Variants in AMMECR1 observed in about 807,000 individuals in gnomAD.
The protein encoded by AMMECR1 is AMMECR nuclear protein 1, also known as nuclear protein AMMECR1.
In AMMECR1, 3 loss-of-function variants were observed where a neutral mutation model predicts 22.5. That is an observed-to-expected ratio of 0.13 (90% CI 0.06 to 0.35). The LOEUF (loss-of-function observed/expected upper bound fraction) is 0.35, where lower values mean the gene tolerates loss of function less well. Ranked by LOEUF, AMMECR1 falls within the 10% of genes least tolerant of loss-of-function variation. The pLI is 1.00. For missense variants in AMMECR1, 235 were observed against 278.7 expected (o/e 0.84, Z 1.12); for synonymous variants, 130 against 116.7 (o/e 1.11, Z -0.74).
At chrX:110,384,959 G>A (rs1035721445) in intron 2 of AMMECR1, among the ~76,000 whole-genome samples, 2 of 110,784 alleles carry the variant, frequency 1.8e-5, no homozygotes, top group African/African-American at 3.3e-5. Flanking sequence ...CTCACATCTA[G>A]TGTAGCCCAA....
chrX:110,230,041 G>A (rs189874607), intron 2 of AMMECR1, among the ~76,000 whole-genome samples: 149 of 113,045 alleles, frequency 1.3e-3, no homozygotes, highest in African/African-American at 4.4e-3. Flanking sequence ...GCTCAACAAC[G>A]CCTACTGCCT....
intron 2 of AMMECR1, among the ~76,000 whole-genome samples, chrX:110,224,485 G>C (rs996411937): frequency 1.8e-5 from 2 of 109,665 alleles, no homozygotes; most frequent in African/African-American, 6.7e-5. Flanking sequence ...CTGGTTTACT[G>C]GTTACCAACT....
chrX:110,427,072 C>T (rs2148327432), intron 1 of AMMECR1, among the ~76,000 whole-genome samples: 1 of 112,153 alleles, frequency 8.9e-6, no homozygotes, highest in South Asian at 3.8e-4. Flanking sequence ...AGTATATTTC[C>T]TAAGCATTCC....
At chrX:110,316,662 G>A (rs1219321226) in intron 1 of AMMECR1, among the ~76,000 whole-genome samples, 1 of 110,141 alleles carries the variant, frequency 9.1e-6, no homozygotes, top group Non-Finnish European at 1.9e-5. Context: ...CTGTAACAGT[G>A]CTATTTTAAA....
At chrX:110,261,003 C>T (rs942603276) in intron 2 of AMMECR1, among the ~76,000 whole-genome samples, 19 of 110,980 alleles carry the variant, frequency 1.7e-4, no homozygotes, top group Non-Finnish European at 1.7e-4. Context: ...TTCATAGCAA[C>T]GCAAAGTAGA....
At position 110,194,218 on chromosome X, in the gene AMMECR1, T is replaced by C. The variant is rs1335650781; in HGVS notation, c.*4302A>G. On this transcript the variant is annotated 3_prime_UTR_variant, in exon 6 of 6. Transcript: ENST00000262844. The stretch of plus-strand genomic sequence containing the variant: ...TAACATTTTATTGGGTAAATGATTT[T>C]AAAGGTAATAACAATAGTGTCAAAA... 8.9e-6 allele frequency: 1 copy of C among 112,196 alleles called. No homozygotes were observed. The highest frequency in any genetic ancestry group is 1.9e-5 in the Non-Finnish European group (1 of 53,212). The allele number at this position is 112,196 out of a possible 1,213,427, so 9.2% of individuals were successfully genotyped here.
intron 2 of AMMECR1, among the ~76,000 whole-genome samples, chrX:110,332,199 TA>T (rs1297980541): frequency 2.7e-5 from 3 of 111,794 alleles, no homozygotes; most frequent in African/African-American, 9.8e-5. Flanking sequence ...GGGCATTCTC[TA>T]AATAAAATAA....
chrX:110,316,905 A>T, intron 1 of AMMECR1, among the ~76,000 whole-genome samples: 1 of 98,830 alleles, frequency 1.0e-5, no homozygotes, highest in East Asian at 3.0e-4. Flanking sequence ...GGTGGAATGG[A>T]AAAAAAAAAA....
intron 2 of AMMECR1, among the ~76,000 whole-genome samples, chrX:110,370,505 G>A (rs1254998788): frequency 1.8e-5 from 2 of 112,345 alleles, no homozygotes; most frequent in Non-Finnish European, 3.8e-5. Context: ...CACTGCGCCC[G>A]GCCTATTCTC....
At chrX:110,323,362 C>T (rs1387500279) in intron 2 of AMMECR1, among the ~76,000 whole-genome samples, 1 of 112,009 alleles carries the variant, frequency 8.9e-6, no homozygotes, top group Non-Finnish European at 1.9e-5. Flanking sequence ...ACTTTCATCA[C>T]CCCAAAAAAG....
At chrX:110,238,821 C>T (rs760459538) in intron 2 of AMMECR1, among the ~76,000 whole-genome samples, 1 of 112,093 alleles carries the variant, frequency 8.9e-6, no homozygotes, top group African/African-American at 3.2e-5. Context: ...CTGGCGGGTG[C>T]CCCTCTGGGA....
At chrX:110,423,973 A>T (rs2068737130) in intron 2 of AMMECR1, among the ~76,000 whole-genome samples, 1 of 112,463 alleles carries the variant, frequency 8.9e-6, no homozygotes, top group Non-Finnish European at 1.9e-5. Flanking sequence ...CACATTCATT[A>T]ATTCATCAAA....
At chrX:110,421,634 A>G (rs2068718102) in intron 2 of AMMECR1, among the ~76,000 whole-genome samples, 1 of 112,947 alleles carries the variant, frequency 8.9e-6, no homozygotes. Context: ...TTGATTATAG[A>G]AGTGTAAACA....
upstream of AMMECR1, among the ~76,000 whole-genome samples, chrX:110,319,375 C>T (rs1177845798): frequency 8.9e-6 from 1 of 111,794 alleles, no homozygotes; most frequent in Non-Finnish European, 1.9e-5. Context: ...TGCGTGGGAT[C>T]TTGCAGATAG....
chrX:110,332,422 A>G (rs1323458615), intron 2 of AMMECR1, among the ~76,000 whole-genome samples: 1 of 111,969 alleles, frequency 8.9e-6, no homozygotes, highest in Non-Finnish European at 1.9e-5. Flanking sequence ...TGTGTGTTCA[A>G]TAAATACATG....
chrX:110,292,642 T>A (rs1402145959), intron 1 of AMMECR1, among the ~76,000 whole-genome samples: 1 of 112,257 alleles, frequency 8.9e-6, no homozygotes, highest in Non-Finnish European at 1.9e-5. Context: ...ATTCCAACGA[T>A]GTGACACTCT....
chrX:110,247,691 CAA>C (rs761139091), intron 2 of AMMECR1, among the ~76,000 whole-genome samples: 2 of 88,758 alleles, frequency 2.3e-5, no homozygotes. Context: ...AACCCTGTCT[CAA>C]AAAAAAAAAA....
intron 3 of AMMECR1, among the ~76,000 whole-genome samples, chrX:110,214,214 G>A (rs2067461688): frequency 9.1e-6 from 1 of 109,832 alleles, no homozygotes; most frequent in South Asian, 3.9e-4. Context: ...AGTGTACTGA[G>A]ATCACGCCAC....
At chrX:110,262,593 T>C (rs1432405450) in intron 2 of AMMECR1, among the ~76,000 whole-genome samples, 1 of 112,393 alleles carries the variant, frequency 8.9e-6, no homozygotes, top group African/African-American at 3.2e-5. Flanking sequence ...TCCAGAAAAG[T>C]TGGATGTTTT....
Sources: allele counts gnomAD v4.1 joint callset (sites outside exome capture counted in the v4.1 genomes callset), GRCh38; gene constraint gnomAD v4.1.1; transcripts MANE v1.5; gene names NCBI Gene and HGNC (gene_info 2026-07-23, HGNC 2026-07-21).